GNG4: variants seen among roughly 807,000 people sequenced by gnomAD.
GNG4 encodes the protein G protein subunit gamma 4.
In GNG4, 4 loss-of-function variants were observed where a neutral mutation model predicts 5.8. The ratio of observed to expected loss-of-function variants is 0.69; its 90% confidence interval spans 0.34 to 1.57. The LOEUF is 1.57. Ranked by LOEUF, GNG4 falls within the 40% of genes most tolerant of loss-of-function variation. The pLI is 0.06. For synonymous variants in GNG4, 29 were observed against 32.9 expected, an observed-to-expected ratio of 0.88 and a Z score of 0.41; for missense variants, 96 against 95.1, an observed-to-expected ratio of 1.01 and a Z score of -0.04.
chr1:235,642,931 T>G lies in GNG4; in HGVS notation c.-123+6731A>C, dbSNP rs1247048566. Among the ~76,000 whole-genome samples, 7 of 152,100 alleles carry G rather than the reference T, an allele frequency of 4.6e-5. No individual in the cohort carries two copies. Among genetic ancestry groups the G allele is most frequent in the Non-Finnish European group, 8.8e-5 (6 of 68,002 alleles). ...CTTCATTCACAAAACCAGGTCACATTACCCCTCGTCCATCCATGCTCAGTC... is the reference window on the plus strand; with the variant it reads ...CTTCATTCACAAAACCAGGTCACATGACCCCTCGTCCATCCATGCTCAGTC... On this transcript the variant is annotated intron_variant, in intron 1 of 3. Transcript: ENST00000391854. This position sits in a 1 kb window ranked among gnomAD's most constrained non-coding sequence, Gnocchi z 4.3.
chr1:235,559,977 T>C (rs1291420593), intron 3 of GNG4, among the ~76,000 whole-genome samples: 1 of 152,230 alleles, frequency 6.6e-6, no homozygotes, highest in East Asian at 1.9e-4. Context: ...AGATCCACCC[T>C]GGACCTTGAC....
rs6681530 is a variant in GNG4, at chr1:235,594,585, C to G, written c.-11+815G>C. On this transcript the variant is annotated intron_variant, in intron 2 of 3. Transcript: ENST00000391854. Reference sequence around the variant, plus strand: ...TCCCGAGCCCTGCCCCGCAGGGAGGCAGCTAAGGCCTGGTGAGAAGTTGAG... The same window carrying G: ...TCCCGAGCCCTGCCCCGCAGGGAGGGAGCTAAGGCCTGGTGAGAAGTTGAG... 5.9e-3 allele frequency among the ~76,000 whole-genome samples: 903 copies of G among 152,346 alleles called. 8 individuals are homozygous for G. Among genetic ancestry groups the G allele is most frequent in the African/African-American group, 0.02 (848 of 41,588 alleles).
intron 1 of GNG4, among the ~76,000 whole-genome samples, chr1:235,601,004 C>G (rs1205655006): frequency 6.6e-6 from 1 of 152,208 alleles, no homozygotes; most frequent in African/African-American, 2.4e-5. Flanking sequence ...TAAACTGAGG[C>G]TTCAACAGAG....
chr1:235,644,272 C>T lies in GNG4; in HGVS notation c.-123+5390G>A, dbSNP rs973123908. On this transcript the variant is annotated intron_variant, in intron 1 of 3. Coordinates refer to ENST00000391854, the MANE Select transcript of GNG4 (RefSeq NM_001098722.2). This position sits in a 1 kb window ranked among gnomAD's most constrained non-coding sequence, Gnocchi z 5.9. ...CCACGAAGGCCTTGCCCTGGACCTA[C>T]ACCTCACCCTGTTCCAGAGAGAATT... Among the ~76,000 whole-genome samples, 2 of 152,250 alleles carry T rather than the reference C, an allele frequency of 1.3e-5. No individual in the cohort carries two copies. Among genetic ancestry groups the T allele is most frequent in the Non-Finnish European group, 2.9e-5 (2 of 68,044 alleles).
chr1:235,568,882 A>C (rs1687269188), intron 3 of GNG4, among the ~76,000 whole-genome samples: 1 of 144,524 alleles, frequency 6.9e-6, no homozygotes, highest in Admixed American at 7.2e-5. Context: ...GCTGGAGTGC[A>C]GTGGTGTGAT....
In GNG4 at chr1:235,589,853, G is replaced by T. The variant is rs917061399; in HGVS notation, c.-11+5547C>A. Among the ~76,000 whole-genome samples the T allele has an allele frequency of 1.1e-4, 16 of 152,196 alleles. 1 individual carries two copies. Among genetic ancestry groups the T allele is most frequent in the Admixed American group, 6.5e-4 (10 of 15,286 alleles). On this transcript the variant is annotated intron_variant, in intron 2 of 3. Transcript: ENST00000391854. ...CCTTGAGCTGGGTGGGTCCTTGGAA[G>T]TCTATTCCTGATCCTTGAAATGAGA... is the stretch of plus-strand genomic sequence containing the variant.
intron 1 of GNG4, among the ~76,000 whole-genome samples, chr1:235,634,651 T>C (rs145061634): frequency 6.6e-6 from 1 of 152,314 alleles, no homozygotes; most frequent in African/African-American, 2.4e-5. Flanking sequence ...TAAGGCTGCC[T>C]TCCTTTGCTG....
chr1:235,579,501 G>T (rs1213580726), intron 3 of GNG4, among the ~76,000 whole-genome samples: 5 of 151,980 alleles, frequency 3.3e-5, no homozygotes, highest in Non-Finnish European at 7.4e-5. Flanking sequence ...GTGCACTGCT[G>T]GTGATGACGT....
chr1:235,564,971 CA>C (rs1485084523), intron 3 of GNG4, among the ~76,000 whole-genome samples: 2 of 152,232 alleles, frequency 1.3e-5, no homozygotes, highest in African/African-American at 4.8e-5. Flanking sequence ...GCGTGAGCCA[CA>C]GCGCCCAGCC....
rs555318787 is a variant in GNG4, at chr1:235,590,308, A to G, written c.-11+5092T>C. Among the ~76,000 whole-genome samples, 3 of 152,268 alleles carry G rather than the reference A, an allele frequency of 2.0e-5. No individual in the cohort carries two copies. In the South Asian group the frequency reaches 6.2e-4, roughly 32 times the overall value. ...CCTCTTTACTAAAAATACAAAAATT[A>G]GCCAGGCATGGTGGTGGGTGCCTGT... On this transcript the variant is annotated intron_variant, in intron 2 of 3. Coordinates refer to ENST00000391854, the MANE Select transcript of GNG4 (RefSeq NM_001098722.2).
chr1:235,609,339 T>C (rs2102967724), intron 1 of GNG4, among the ~76,000 whole-genome samples: 1 of 152,308 alleles, frequency 6.6e-6, no homozygotes, highest in Non-Finnish European at 1.5e-5. Flanking sequence ...TTTGAGTACC[T>C]ATTTTGAACC....
At chr1:235,571,592 C>T (rs1429036718) in intron 3 of GNG4, among the ~76,000 whole-genome samples, 1 of 152,086 alleles carries the variant, frequency 6.6e-6, no homozygotes, top group Admixed American at 6.6e-5. Flanking sequence ...AAATTGGTAT[C>T]CCTTTCTATA....
intron 1 of GNG4, chr1:235,616,219 A>G: frequency 1.9e-6 from 1 of 520,308 alleles, no homozygotes; most frequent in South Asian, 1.4e-5. Flanking sequence ...TGCTGGTTGG[A>G]GGAATGTTCT....
At chr1:235,563,622 T>C (rs1000033319) in intron 3 of GNG4, among the ~76,000 whole-genome samples, 32 of 152,252 alleles carry the variant, frequency 2.1e-4, no homozygotes, top group African/African-American at 7.7e-4. Flanking sequence ...AGTCCTCGTG[T>C]GGGGAAACAA....
chr1:235,567,890 C>G (rs1275739484), intron 3 of GNG4, among the ~76,000 whole-genome samples: 1 of 152,118 alleles, frequency 6.6e-6, no homozygotes, highest in Non-Finnish European at 1.5e-5. Context: ...TCTGTGGAAT[C>G]CTGATAAATA....
chr1:235,594,571 G>GC (rs1174936423), intron 2 of GNG4, among the ~76,000 whole-genome samples: 1 of 152,190 alleles, frequency 6.6e-6, no homozygotes, highest in Non-Finnish European at 1.5e-5. Context: ...CCCGAGCCCT[G>GC]CCCCGCAGGG....
At chr1:235,628,557 A>G (rs1452411052) in intron 1 of GNG4, among the ~76,000 whole-genome samples, 1 of 152,172 alleles carries the variant, frequency 6.6e-6, no homozygotes, top group Admixed American at 6.5e-5. Context: ...AAGGGTCCCC[A>G]CCCAGATGAT....
rs1472216934 is a variant in GNG4, at chr1:235,637,403, AGCACTTTCGGAG to A, written c.-123+12247_-123+12258del. ...CGCGGTGGCTCACACCTGTAATCCC[AGCACTTTCGGAG>A]GCCAAGGTGGGGGGATCACTTGAGG... On this transcript the variant is annotated intron_variant, in intron 1 of 3. Coordinates refer to ENST00000391854, the MANE Select transcript of GNG4 (RefSeq NM_001098722.2). 1.7e-4 allele frequency among the ~76,000 whole-genome samples: 26 copies of A among 152,300 alleles called. No homozygotes were observed. The East Asian group carries it at 5.0e-3, about 29-fold the overall frequency.
chr1:235,569,185 G>T (rs1322713602), intron 3 of GNG4, among the ~76,000 whole-genome samples: 1 of 152,124 alleles, frequency 6.6e-6, no homozygotes, highest in Admixed American at 6.5e-5. Flanking sequence ...CTCAGGGCTG[G>T]TGTGAAAATT....
Sources: gnomAD v4.1 joint callset for allele counts (sites outside exome capture counted in the v4.1 genomes callset) on GRCh38, gnomAD v4.1.1 for gene constraint, Gnocchi (gnomAD v3.1) non-coding constraint, MANE v1.5 for transcripts, NCBI Gene and HGNC (gene_info 2026-07-23, HGNC 2026-07-21) for gene names.